The following RBFOX1 variants were observed in gnomAD, a reference collection of about 807,000 sequenced individuals.
The protein encoded by RBFOX1 is RNA binding fox-1 homolog 1, also known as RNA binding protein fox-1 homolog 1.
In RBFOX1, 8 loss-of-function variants were observed where a neutral mutation model predicts 57.7. The observed-to-expected ratio is 0.14, with a 90% confidence interval of 0.08 to 0.25. The LOEUF (loss-of-function observed/expected upper bound fraction) is 0.25. Ranked by LOEUF, RBFOX1 falls within the 10% of genes least tolerant of loss-of-function variation. The pLI, the probability that RBFOX1 is intolerant of heterozygous loss-of-function variation, is 1.00. For synonymous variants in RBFOX1, 326 were observed against 222.4 expected (o/e 1.47, Z -4.15); for missense variants, 611 against 548.5 (o/e 1.11, Z -1.14).
At chr16:6,951,022 C>G (rs1410820418) in intron 3 of RBFOX1, among the ~76,000 whole-genome samples, 2 of 152,074 alleles carry the variant, frequency 1.3e-5, no homozygotes, top group East Asian at 1.9e-4. Flanking sequence ...CCTCCCACCT[C>G]TGCCTCTCGA....
chr16:7,039,298 G>A (rs74447335), intron 3 of RBFOX1, among the ~76,000 whole-genome samples: 14,699 of 152,046 alleles, frequency 0.097, 1,177 homozygotes, highest in East Asian at 0.32. Flanking sequence ...TCTTTCGTCC[G>A]TCTCCCTTGA....
intron 3 of RBFOX1, among the ~76,000 whole-genome samples, chr16:5,846,945 C>T (rs1287482729): frequency 1.3e-5 from 2 of 152,178 alleles, no homozygotes; most frequent in East Asian, 3.8e-4. Flanking sequence ...CATTTGGGTC[C>T]AGGCTGCACA....
chr16:7,208,029 A>G (rs182629823), intron 4 of RBFOX1, among the ~76,000 whole-genome samples: 42 of 152,274 alleles, frequency 2.8e-4, no homozygotes, highest in African/African-American at 1.0e-3. Flanking sequence ...GGCGCATGGT[A>G]TCTTCTCTGG....
chr16:5,913,118 C>A (rs891596077), intron 4 of RBFOX1, among the ~76,000 whole-genome samples: 1 of 152,214 alleles, frequency 6.6e-6, no homozygotes, highest in African/African-American at 2.4e-5. Context: ...GTTAGCCTCT[C>A]TTTCTTGGTC....
At chr16:7,380,093 A>G (rs886213740) in intron 4 of RBFOX1, among the ~76,000 whole-genome samples, 3 of 152,130 alleles carry the variant, frequency 2.0e-5, no homozygotes, top group Admixed American at 2.0e-4. Flanking sequence ...CTTGGCCTCA[A>G]GTAGTCCTCT....
intron 13 of RBFOX1, among the ~76,000 whole-genome samples, chr16:7,672,423 T>C (rs865802889): frequency 2.0e-5 from 3 of 152,174 alleles, no homozygotes; most frequent in Admixed American, 2.0e-4. Context: ...TTGTAAACCA[T>C]GAGAATTGAC....
chr16:5,441,425 C>A (rs1376603605), intron 1 of RBFOX1, among the ~76,000 whole-genome samples: 2 of 146,836 alleles, frequency 1.4e-5, no homozygotes, highest in African/African-American at 2.5e-5. Flanking sequence ...AGTGCAGTGG[C>A]CTGATTTTGG....
intron 2 of RBFOX1, among the ~76,000 whole-genome samples, chr16:6,361,737 A>G (rs966427330): frequency 3.3e-5 from 5 of 152,068 alleles, no homozygotes; most frequent in African/African-American, 1.2e-4. Flanking sequence ...TTGAATCAGA[A>G]TGTCTGGAAT....
rs2097660627 is a variant in RBFOX1 at position 6,256,157 on chromosome 16, A to ATATG, written c.-126-60837_-126-60836insATGT. 8.7e-5 allele frequency among the ~76,000 whole-genome samples: 3 copies of ATATG among 34,388 alleles called. 1 individual carries two copies. The highest frequency in any genetic ancestry group is 1.1e-3 in the Admixed American group (2 of 1,820). 22.6% of individuals were successfully genotyped at this position (34,388 alleles called of 152,430 possible). A position where few individuals can be genotyped will look rare whatever the true frequency, so the allele number is the denominator to read the frequency against. ...TATATATGTGTGTATATATATATAT[A>ATATG]TGTATATATATATGTATATATATAT... is the stretch of plus-strand genomic sequence containing the variant. On this transcript the variant is annotated intron_variant, in intron 1 of 15. Coordinates refer to ENST00000550418, the MANE Select transcript of RBFOX1 (RefSeq NM_018723.4).
intron 3 of RBFOX1, among the ~76,000 whole-genome samples, chr16:6,755,870 T>G (rs1207194086): frequency 6.6e-6 from 1 of 152,148 alleles, no homozygotes; most frequent in Non-Finnish European, 1.5e-5. Context: ...GAAATTGACT[T>G]TTTGAGAATG....
At chr16:6,989,860 C>A (rs193007821) in intron 3 of RBFOX1, among the ~76,000 whole-genome samples, 1 of 151,810 alleles carries the variant, frequency 6.6e-6, no homozygotes, top group Non-Finnish European at 1.5e-5. Flanking sequence ...ATTAGCCAGG[C>A]CTGGTGATGG....
chr16:7,241,585 G>A (rs1301175605), intron 4 of RBFOX1, among the ~76,000 whole-genome samples: 1 of 151,884 alleles, frequency 6.6e-6, no homozygotes, highest in Non-Finnish European at 1.5e-5. Flanking sequence ...ATTGCAAGAG[G>A]GTTACTTAAA....
At chr16:6,420,109 C>T (rs1317781926) in intron 2 of RBFOX1, among the ~76,000 whole-genome samples, 1 of 152,170 alleles carries the variant, frequency 6.6e-6, no homozygotes, top group Non-Finnish European at 1.5e-5. Flanking sequence ...TTCAGATTAA[C>T]CACATAAAGC....
chr16:6,335,758 A>G (rs114850163), intron 2 of RBFOX1, among the ~76,000 whole-genome samples: 3,174 of 146,246 alleles, frequency 0.022, 136 homozygotes, highest in African/African-American at 0.079. Flanking sequence ...AGCCTGGGGG[A>G]TACAGCAAGA....
chr16:7,485,435 T>G lies in RBFOX1; in HGVS notation c.28-32712T>G, dbSNP rs1056474165. 7.2e-5 allele frequency among the ~76,000 whole-genome samples: 11 copies of G among 152,236 alleles called. 1 individual carries two copies. The highest frequency in any genetic ancestry group is 7.2e-4 in the Admixed American group (11 of 15,282). On this transcript the variant is annotated intron_variant, in intron 4 of 15. Transcript: ENST00000550418. ...ATTACAAATAGATTAACACGCTCAATAGGTTTTCCTTGAATCCAGCTGAAT... is the reference window on the plus strand; with the variant it reads ...ATTACAAATAGATTAACACGCTCAAGAGGTTTTCCTTGAATCCAGCTGAAT...
chr16:7,065,073 C>T (rs1031424062), intron 4 of RBFOX1, among the ~76,000 whole-genome samples: 2 of 152,178 alleles, frequency 1.3e-5, no homozygotes, highest in Non-Finnish European at 2.9e-5. Flanking sequence ...TGAGTCACAG[C>T]GTGTTACTTG....
At chr16:7,549,273 T>C (rs934006274) in intron 5 of RBFOX1, among the ~76,000 whole-genome samples, 3 of 152,180 alleles carry the variant, frequency 2.0e-5, no homozygotes, top group Non-Finnish European at 4.4e-5. Context: ...GGCTGCTGAA[T>C]GCTGTAGGAC....
At chr16:5,257,901 C>T (rs2062629853) in intron 1 of RBFOX1, among the ~76,000 whole-genome samples, 1 of 152,148 alleles carries the variant, frequency 6.6e-6, no homozygotes, top group South Asian at 2.1e-4. Context: ...TTCTTTGAGA[C>T]AGGGTCTAAC....
chr16:6,753,184 A>G (rs924806846), intron 3 of RBFOX1, among the ~76,000 whole-genome samples: 3 of 152,128 alleles, frequency 2.0e-5, no homozygotes, highest in Non-Finnish European at 2.9e-5. Context: ...CAAAAATAAG[A>G]TGGGTTGATG....
Sources: gnomAD v4.1 joint callset for allele counts (sites outside exome capture counted in the v4.1 genomes callset) on GRCh38, gnomAD v4.1.1 for gene constraint, MANE v1.5 for transcripts, NCBI Gene and HGNC (gene_info 2026-07-23, HGNC 2026-07-21) for gene names.